Variants in DOCK7 observed in about 807,000 individuals in gnomAD.
DOCK7 encodes the protein dedicator of cytokinesis 7.
In DOCK7, 138 loss-of-function variants were observed where a neutral mutation model predicts 271.0. The observed-to-expected ratio is 0.51, with a 90% confidence interval of 0.44 to 0.59. The LOEUF (loss-of-function observed/expected upper bound fraction) is 0.59. DOCK7 is among the 20% of genes least tolerant of loss of function. The pLI, the probability that DOCK7 is intolerant of heterozygous loss-of-function variation, is 0.00. For missense variants in DOCK7, 2,066 were observed against 2,592.4 expected, an observed-to-expected ratio of 0.80 and a Z score of 4.41; for synonymous variants, 823 against 876.1, an observed-to-expected ratio of 0.94 and a Z score of 1.07.
Position 62,544,980 on chromosome 1 carries a change from T to G in DOCK7, c.2826A>C (p.Gly942=). The change falls in exon 23 of 50, where the codon GGA becomes GGC. Residue 942 remains glycine (G), a synonymous_variant. Transcript: ENST00000635253. ...ATTCTGCACTTGGACTGGGGTTGGA[T>G]CCCCATGGGGCAGCTTTTGGACCAC... ...NTGGPKAAPW[G]SNPSPSAEST... 6.5e-7 allele frequency: 1 copy of G among 1,549,822 alleles called. No individual in the cohort carries two copies. Among genetic ancestry groups the G allele is most frequent in the Non-Finnish European group, 8.7e-7 (1 of 1,146,498 alleles).
intron 7 of DOCK7, among the ~76,000 whole-genome samples, chr1:62,642,113 C>CT (rs34048472): frequency 0.16 from 21,878 of 139,374 alleles, 2,035 homozygotes; most frequent in Non-Finnish European, 0.22. Context: ...TTTACTTTTT[C>CT]TTTTTTTTTT....
At chr1:62,671,348 A>G (rs576590247) in intron 1 of DOCK7, among the ~76,000 whole-genome samples, 39 of 152,352 alleles carry the variant, frequency 2.6e-4, no homozygotes, top group African/African-American at 8.9e-4. Context: ...AGAAAAATTC[A>G]TAATTCCTTC....
intron 29 of DOCK7, among the ~76,000 whole-genome samples, chr1:62,534,309 T>C (rs1426327400): frequency 1.3e-5 from 2 of 151,920 alleles, no homozygotes; most frequent in Non-Finnish European, 2.9e-5. Flanking sequence ...TACATTAAGC[T>C]ACTTCTATAA....
intron 40 of DOCK7, 56 bp from the exon 41 acceptor site, chr1:62,492,903 T>G (rs1013541823): frequency 1.4e-6 from 2 of 1,447,280 alleles, no homozygotes; most frequent in African/African-American, 2.9e-5. Context: ...AGCATAAAAA[T>G]GTATAAGAAG....
intron 10 of DOCK7, among the ~76,000 whole-genome samples, chr1:62,632,442 T>C (rs1216156530): frequency 2.0e-5 from 3 of 152,172 alleles, no homozygotes; most frequent in Non-Finnish European, 4.4e-5. Flanking sequence ...AAAAATATCA[T>C]GTGCTCAGAT....
At chr1:62,485,160 C>G in intron 43 of DOCK7, 1 of 985,168 alleles carries the variant, frequency 1.0e-6, no homozygotes, top group Non-Finnish European at 1.2e-6. Context: ...TAAAAGACAA[C>G]AAACATGCTT....
chr1:62,577,383 C>A lies in DOCK7; in HGVS notation c.2011-20G>T. The A allele has an allele frequency of 6.6e-7, 1 of 1,523,608 alleles. No homozygotes were observed. Among genetic ancestry groups the A allele is most frequent in the South Asian group, 1.3e-5 (1 of 78,378 alleles). 94.4% of individuals were successfully genotyped at this position (1,523,608 alleles called of 1,614,324 possible). ...TATCCACTTTTAAATGAAAAGAAAA[C>A]AATTTTATTTTAAATATGCTTGCTA... On this transcript the variant is annotated intron_variant, in intron 17 of 49. Transcript: ENST00000635253.
At chr1:62,518,330 G>A (rs1400458308) in intron 31 of DOCK7, among the ~76,000 whole-genome samples, 2 of 152,056 alleles carry the variant, frequency 1.3e-5, no homozygotes, top group Non-Finnish European at 2.9e-5. Context: ...CCAGCACTTT[G>A]GGAGGTTGAG....
Position 62,504,633 on chromosome 1 carries a change from C to T in DOCK7, c.4761G>A (p.Gly1587=). The T allele has an allele frequency of 6.2e-7, 1 of 1,608,924 alleles. No homozygotes were observed. The highest frequency in any genetic ancestry group is 2.2e-5 in the East Asian group (1 of 44,828). ...YLLMRQNFEI[G]NNFARVKMQV... ...ATTTTCATGATAAAATACTTACATT[C>T]CCAATCTCAAAGTTTTGCCTCATTA... The change falls in exon 37 of 50, where the codon GGG becomes GGA. Residue 1587 remains glycine, a synonymous_variant. Transcript: ENST00000635253.
Position 62,528,174 on chromosome 1 carries a change from C to G in DOCK7, c.3913G>C (p.Gly1305Arg). ...ACCGTTGACGTGAGGAGGAAACTGC[C>G]AGGCCTTGTTAGTTGAGGGACCGAT... ...GTSVPQLTRP[G>R]SFLLTSTSGR... The change falls in exon 31 of 50, where the codon GGC becomes CGC. Residue 1305 changes from glycine (G) to arginine (R), a missense_variant. By Grantham distance (125) the Gly-to-Arg change is moderately radical. Transcript: ENST00000635253. 1 of 1,612,144 alleles carries G rather than the reference C, an allele frequency of 6.2e-7. No homozygotes were observed.
At chr1:62,583,359 C>A in intron 15 of DOCK7, 105 bp from the exon 16 acceptor site, 1 of 969,970 alleles carries the variant, frequency 1.0e-6, no homozygotes, top group Non-Finnish European at 1.6e-6. Flanking sequence ...GAAAAATGGG[C>A]AAAATCAGCC....
intron 9 of DOCK7, 69 bp from the exon 10 acceptor site, chr1:62,633,647 G>C: frequency 9.5e-7 from 1 of 1,051,554 alleles, no homozygotes; most frequent in South Asian, 1.3e-5. Flanking sequence ...TTCAATATAC[G>C]AAAATCAATA....
rs1646969194 is a variant in DOCK7, at chr1:62,577,349, A to T, written c.2025T>A (p.Leu675=). ...GGCCAGTCTTCAACCGTCCATTCTG[A>T]AGCATTGGTATCCACTTTTAAATGA... ...TPVGYTWIPM[L]QNGRLKTGQF... is the part of the protein sequence containing the mutation. Residue 675 remains leucine (L), a synonymous_variant, in exon 18 of 50, where the codon CTT becomes CTA. Transcript: ENST00000635253. 1.3e-6 allele frequency: 2 copies of T among 1,574,406 alleles called. No individual in the cohort carries two copies. Among genetic ancestry groups the T allele is most frequent in the Non-Finnish European group, 1.7e-6 (2 of 1,157,348 alleles).
intron 31 of DOCK7, 86 bp from the exon 32 acceptor site, chr1:62,513,984 A>G (rs1644582236): frequency 8.1e-7 from 1 of 1,230,482 alleles, no homozygotes; most frequent in Non-Finnish European, 1.1e-6. Flanking sequence ...TTCTAAAAAC[A>G]ATAAAACAAA....
intron 6 of DOCK7, 50 bp from the exon 7 acceptor site, chr1:62,647,826 C>T (rs759910389): frequency 4.8e-5 from 63 of 1,323,084 alleles, no homozygotes; most frequent in Non-Finnish European, 6.6e-5. Context: ...CATATTCCAA[C>T]TCTTTATCTT....
intron 22 of DOCK7, among the ~76,000 whole-genome samples, chr1:62,546,338 G>A (rs571881477): frequency 3.3e-5 from 5 of 152,170 alleles, no homozygotes; most frequent in Admixed American, 3.3e-4. Context: ...GGTTTCAGGA[G>A]AATATTTCCT....
At chr1:62,601,740 C>A in intron 14 of DOCK7, 1 of 1,405,364 alleles carries the variant, frequency 7.1e-7, no homozygotes, top group Non-Finnish European at 1.0e-6. Flanking sequence ...ATTACTAAAT[C>A]TGATGTAATA....
chr1:62,597,386 C>A, intron 14 of DOCK7: 1 of 602,374 alleles, frequency 1.7e-6, no homozygotes, highest in Non-Finnish European at 2.9e-6. Context: ...TAGCATTGAT[C>A]TAACTCAATG....
chr1:62,504,538 A>T (rs965498600), intron 37 of DOCK7, 92 bp downstream of exon 37: 11 of 1,335,026 alleles, frequency 8.2e-6, no homozygotes, highest in African/African-American at 5.9e-5. Context: ...TATACAAAAA[A>T]CTCCATGCTC....
Sources: gnomAD v4.1 joint callset for allele counts (sites outside exome capture counted in the v4.1 genomes callset) on GRCh38, gnomAD v4.1.1 for gene constraint, MANE v1.5 for transcripts, NCBI Gene and HGNC (gene_info 2026-07-23, HGNC 2026-07-21) for gene names.